Variants in SERAC1 observed in about 807,000 individuals in gnomAD.
SERAC1 encodes serine active site containing 1, also known as protein SERAC1.
A neutral mutation model predicts 85.7 loss-of-function variants in SERAC1; 36 were observed. That is an observed-to-expected ratio of 0.42 (90% CI 0.32 to 0.55). The LOEUF (loss-of-function observed/expected upper bound fraction) is 0.55. Among genes scored for constraint, SERAC1 ranks in the 20% least tolerant of loss-of-function variants. SERAC1 has a pLI of 0.11. For missense variants in SERAC1, 629 were observed against 796.2 expected, an observed-to-expected ratio of 0.79 and a Z score of 2.53; for synonymous variants, 242 against 265.3, an observed-to-expected ratio of 0.91 and a Z score of 0.85.
chr6:158,124,147 A>ATTTT (rs199648329), intron 10 of SERAC1, among the ~76,000 whole-genome samples: 1 of 151,206 alleles, frequency 6.6e-6, no homozygotes, highest in African/African-American at 2.4e-5. Context: ...GAGAAGAGTC[A>ATTTT]TTTTTTTTTC....
chr6:158,143,032 T>C (rs1784954214), intron 8 of SERAC1, 24 bp downstream of exon 8: 1 of 1,587,236 alleles, frequency 6.3e-7, no homozygotes. Context: ...CAAAAATATT[T>C]ACTGAATGAA....
chr6:158,164,054 G>A (rs1480245124), intron 1 of SERAC1, among the ~76,000 whole-genome samples: 1 of 151,888 alleles, frequency 6.6e-6, no homozygotes, highest in African/African-American at 2.4e-5. Context: ...AGTTTTTAAA[G>A]TAAGTCTTGA....
Position 158,111,473 on chromosome 6 carries a change from C to T in SERAC1, c.1858G>A (p.Asp620Asn). The change falls in exon 17 of 17, where the codon GAT (aspartate) becomes AAT (asparagine). Residue 620 changes from aspartate to asparagine, a missense_variant. Transcript: ENST00000647468. ...DLGIGDLIPVDVNHLNICKPK... is the reference protein window; with the variant it reads ...DLGIGDLIPVNVNHLNICKPK... The stretch of plus-strand genomic sequence containing the variant: ...TTACAAATGTTCAAATGGTTAACAT[C>T]CACAGGAATTAGATCTCCAATGCCT... The T allele has an allele frequency of 1.2e-6, 2 of 1,606,406 alleles. No homozygotes were observed. Among genetic ancestry groups the T allele is most frequent in the Non-Finnish European group, 1.7e-6 (2 of 1,177,154 alleles).
chr6:158,111,294 G>T lies in SERAC1; in HGVS notation c.*72C>A. 1 of 1,374,436 alleles carries T rather than the reference G, an allele frequency of 7.3e-7. No individual in the cohort carries two copies. The highest frequency in any genetic ancestry group is 9.9e-7 in the Non-Finnish European group (1 of 1,013,706). 85.1% of individuals were successfully genotyped at this position (1,374,436 alleles called of 1,614,324 possible). A position where few individuals can be genotyped will look rare whatever the true frequency, so the allele number is the denominator to read the frequency against. ...CACTATGTTTGCATGATTGCATAGA[G>T]CTTAAAAGAAGAAACAGAACACCAA... On this transcript the variant is annotated 3_prime_UTR_variant, in exon 17 of 17. Coordinates refer to ENST00000647468, the MANE Select transcript of SERAC1 (RefSeq NM_032861.4).
Position 158,157,903 on chromosome 6 carries a change from T to C in SERAC1, c.91+370A>G, listed in dbSNP as rs533650521. On this transcript the variant is annotated intron_variant, in intron 2 of 16. Transcript: ENST00000647468. ...CTCCAAATGGAGTAGACTGGAGCCA[T>C]ATCCCGAGCCCCCGTAAGGCAAAGA... 3.3e-5 allele frequency among the ~76,000 whole-genome samples: 5 copies of C among 152,326 alleles called. No homozygotes were observed. The South Asian group carries it at 1.0e-3, about 32-fold the overall frequency.
chr6:158,138,559 G>A (rs529684419), intron 8 of SERAC1, among the ~76,000 whole-genome samples: 6 of 151,880 alleles, frequency 4.0e-5, no homozygotes, highest in African/African-American at 7.2e-5. Flanking sequence ...AAATAGTAAC[G>A]TCAGGCCAGG....
rs1785364958 is a variant in SERAC1 at position 158,156,962 on chromosome 6, A to G, written c.91+1311T>C. Among the ~76,000 whole-genome samples, 3 of 124,446 alleles carry G rather than the reference A, an allele frequency of 2.4e-5. No individual in the cohort carries two copies. The Admixed American group carries it at 2.6e-4, about 11-fold the overall frequency. The allele number at this position is 124,446 out of a possible 152,430, so 81.6% of individuals were successfully genotyped here. A position where few individuals can be genotyped will look rare whatever the true frequency, so the allele number is the denominator to read the frequency against. ...TAGATATTAATATATTTATATAAAT[A>G]TTAATATATTTATATATAATAAATA... On this transcript the variant is annotated intron_variant, in intron 2 of 16. Transcript: ENST00000647468.
At chr6:158,113,361 G>C (rs1027514695) in intron 16 of SERAC1, 88 bp downstream of exon 16, 1 of 1,050,210 alleles carries the variant, frequency 9.5e-7, no homozygotes, top group Non-Finnish European at 1.4e-6. Context: ...TTAAAACTGA[G>C]AACCTGGATA....
intron 3 of SERAC1, among the ~76,000 whole-genome samples, chr6:158,154,966 T>A (rs1785293740): frequency 6.6e-6 from 1 of 151,638 alleles, no homozygotes; most frequent in African/African-American, 2.4e-5. Context: ...GCGCCGGAGC[T>A]GAGTGAGTGC....
chr6:158,167,174 TA>T (rs1365228677), intron 1 of SERAC1, among the ~76,000 whole-genome samples: 3 of 130,790 alleles, frequency 2.3e-5, no homozygotes, highest in Admixed American at 8.6e-5. Context: ...AAGAGGGAAC[TA>T]AATGGAAGAG....
At chr6:158,163,860 C>CCAAG (rs948610226) in intron 1 of SERAC1, among the ~76,000 whole-genome samples, 1 of 151,944 alleles carries the variant, frequency 6.6e-6, no homozygotes, top group African/African-American at 2.4e-5. Context: ...CCTCAGCCTC[C>CCAAG]CAAGTAGCTG....
At chr6:158,125,596 GCCCAAACATATACT>G (rs921631327) in intron 10 of SERAC1, among the ~76,000 whole-genome samples, 2 of 152,136 alleles carry the variant, frequency 1.3e-5, no homozygotes, top group African/African-American at 4.8e-5. Flanking sequence ...AGGCACAGTG[GCCCAAACATATACT>G]CCCAGCTACT....
rs948560496 is a variant in SERAC1, at chr6:158,117,186, CTCTG to C, written c.1403+537_1403+540del. On this transcript the variant is annotated intron_variant, in intron 13 of 16. Transcript: ENST00000647468. The surrounding 1 kb of genome is among the most constrained non-coding windows in gnomAD (Gnocchi z 4.3). ...GTTTGATAACACTGATTTAGACCAACTCTGTCAATCTGTAGACAAAGCTTCCCGG... is the reference window on the plus strand; with the variant it reads ...GTTTGATAACACTGATTTAGACCAACTCAATCTGTAGACAAAGCTTCCCGG... 1 of 239,226 alleles carries C rather than the reference CTCTG, an allele frequency of 4.2e-6. No individual in the cohort carries two copies. Among genetic ancestry groups the C allele is most frequent in the Non-Finnish European group, 8.1e-6 (1 of 123,398 alleles). The allele number at this position is 239,226 out of a possible 1,614,324, so 14.8% of individuals were successfully genotyped here.
At chr6:158,167,178 TG>T (rs1453980599) in intron 1 of SERAC1, among the ~76,000 whole-genome samples, 1 of 130,254 alleles carries the variant, frequency 7.7e-6, no homozygotes, top group Admixed American at 8.8e-5. Flanking sequence ...GGGAACTAAA[TG>T]GAAGAGCTGG....
At chr6:158,157,640 GA>G (rs1298972888) in intron 2 of SERAC1, among the ~76,000 whole-genome samples, 9 of 152,174 alleles carry the variant, frequency 5.9e-5, no homozygotes, top group African/African-American at 2.2e-4. Flanking sequence ...ATAATGCTCA[GA>G]AAAGGTAAGT....
chr6:158,117,947 T>C lies in SERAC1; in HGVS notation c.1309-126A>G. 2.8e-6 allele frequency: 2 copies of C among 716,506 alleles called. No individual in the cohort carries two copies. 44.4% of individuals were successfully genotyped at this position (716,506 alleles called of 1,614,324 possible). A position where few individuals can be genotyped will look rare whatever the true frequency, so the allele number is the denominator to read the frequency against. On this transcript the variant is annotated intron_variant, in intron 12 of 16. Transcript: ENST00000647468. This position sits in a 1 kb window ranked among gnomAD's most constrained non-coding sequence, Gnocchi z 4.3. Reference sequence around the variant, plus strand: ...ATTAAAGATAGCACTGGAATAAGGTTTGAAGGTACCGTAAAAACAATTCCA... The same window carrying C: ...ATTAAAGATAGCACTGGAATAAGGTCTGAAGGTACCGTAAAAACAATTCCA...
At chr6:158,142,114 C>T (rs1784931020) in intron 8 of SERAC1, among the ~76,000 whole-genome samples, 1 of 152,032 alleles carries the variant, frequency 6.6e-6, no homozygotes, top group Non-Finnish European at 1.5e-5. Context: ...TGACATAACA[C>T]CCCAAGAATA....
intron 10 of SERAC1, among the ~76,000 whole-genome samples, chr6:158,126,214 C>G (rs1480368302): frequency 6.6e-6 from 1 of 152,156 alleles, no homozygotes; most frequent in African/African-American, 2.4e-5. Context: ...ATATGCACTC[C>G]TATCATTTAG....
At chr6:158,146,212 G>C (rs1310450230) in intron 6 of SERAC1, 3 of 152,106 alleles carry the variant, frequency 2.0e-5, no homozygotes, top group Non-Finnish European at 4.4e-5. Context: ...TGTTCTGGTA[G>C]AAAGTTACAC....
Sources: gnomAD v4.1 joint callset for allele counts (sites outside exome capture counted in the v4.1 genomes callset) on GRCh38, gnomAD v4.1.1 for gene constraint, Gnocchi (gnomAD v3.1) non-coding constraint, MANE v1.5 for transcripts, NCBI Gene and HGNC (gene_info 2026-07-23, HGNC 2026-07-21) for gene names.